The following NBPF26 variants were observed in gnomAD, a reference collection of about 807,000 sequenced individuals.
NBPF26 encodes the protein NBPF family member NBPF26.
Under a neutral mutation model 119.6 loss-of-function variants are expected in NBPF26, and 79 were observed. The observed-to-expected ratio is 0.66, with a 90% CI of 0.55 to 0.80. NBPF26 has a LOEUF of 0.80. Ranked by LOEUF, NBPF26 falls within the 30% of genes least tolerant of loss-of-function variation. The pLI is 0.00. For synonymous variants in NBPF26, 299 were observed against 457.7 expected (o/e 0.65, Z 4.43); for missense variants, 800 against 1,198.2 (o/e 0.67, Z 4.91).
Position 120,745,316 on chromosome 1 carries a change from A to G in NBPF26, c.74-18312A>G, listed in dbSNP as rs1650969614. 3.7e-5 allele frequency among the ~76,000 whole-genome samples: 3 copies of G among 81,966 alleles called. 1 individual carries two copies. The highest frequency in any genetic ancestry group is 6.5e-5 in the Non-Finnish European group (3 of 46,154). The allele number at this position is 81,966 out of a possible 152,430, so 53.8% of individuals were successfully genotyped here. On this transcript the variant is annotated intron_variant, in intron 1 of 29. Coordinates refer to ENST00000620612, the Ensembl canonical transcript of NBPF26. ...AAAAGGGTAGAATAGAGAGTATCAC[A>G]TAGTATGGACAAGCATTGTTTCTTG...
intron 10 of NBPF26, among the ~76,000 whole-genome samples, chr1:120,813,149 T>C (rs1247132701): frequency 5.0e-5 from 6 of 120,100 alleles, no homozygotes; most frequent in Non-Finnish European, 8.2e-5. Flanking sequence ...GTCTTGTCTG[T>C]CCCTCAGTTT....
At chr1:120,812,119 A>T in intron 10 of NBPF26, 24 bp downstream of exon 10, 2 of 1,140,182 alleles carry the variant, frequency 1.8e-6, no homozygotes, top group Non-Finnish European at 1.2e-6. Context: ...GCTCACCATC[A>T]CGAAAGTGAT....
chr1:120,785,330 C>T lies in NBPF26; in HGVS notation c.415+97C>T. 5 of 807,404 alleles carry T rather than the reference C, an allele frequency of 6.2e-6. 1 individual carries two copies. Among genetic ancestry groups the T allele is most frequent in the Non-Finnish European group, 9.6e-6 (5 of 519,372 alleles). 50.0% of individuals were successfully genotyped at this position (807,404 alleles called of 1,614,324 possible). ...TGGTGTCTGGCTCTTAAATGTCCCC[C>T]AGCTCTGGTGCACATTTAACATTAT... On this transcript the variant is annotated intron_variant, in intron 3 of 29. Coordinates refer to ENST00000620612, the Ensembl canonical transcript of NBPF26.
At chr1:120,810,246 C>A (rs1651826060) in intron 8 of NBPF26, 101 bp from the exon 9 acceptor site, 5 of 1,390,458 alleles carry the variant, frequency 3.6e-6, no homozygotes, top group Non-Finnish European at 4.9e-6. Context: ...CTTTCTGGAA[C>A]CACTCTCTTA....
In NBPF26 at chr1:120,840,419, G is replaced by C. The variant is rs1553273458; in HGVS notation, c.4173G>C (p.Ser1391=). 1.5e-5 allele frequency: 22 copies of C among 1,466,938 alleles called. 6 individuals carry two copies. In the Admixed American group the frequency reaches 2.4e-4, roughly 16 times the overall value. 90.9% of individuals were successfully genotyped at this position (1,466,938 alleles called of 1,614,324 possible). ...AGGACTCACTGGATATATGTTATTC[G>C]ACTCCGTCAATGTACTTTGAACTAC... The change falls in exon 30 of 30, where the codon TCG becomes TCC. Residue 1391 remains serine, a synonymous_variant. Coordinates refer to ENST00000620612, the Ensembl canonical transcript of NBPF26.
chr1:120,785,259 C>T, intron 3 of NBPF26, 26 bp downstream of exon 3: 1 of 1,441,536 alleles, frequency 6.9e-7, no homozygotes, highest in East Asian at 2.3e-5. Context: ...AAAGCCAGTG[C>T]TTCCCTACCT....
rs1326862038 is a variant in NBPF26, at chr1:120,795,944, GTGTGTA to G, written c.751+2450_751+2455del. Among the ~76,000 whole-genome samples, 31 of 25,646 alleles carry G rather than the reference GTGTGTA, an allele frequency of 1.2e-3. 3 individuals are homozygous for G. The highest frequency in any genetic ancestry group is 0.01 in the Middle Eastern group (1 of 98). The allele number at this position is 25,646 out of a possible 152,430, so 16.8% of individuals were successfully genotyped here. A position where few individuals can be genotyped will look rare whatever the true frequency, so the allele number is the denominator to read the frequency against. On this transcript the variant is annotated intron_variant, in intron 4 of 29. Transcript: ENST00000620612. ...TATGTGTGTGTGTGTGTGTGTGTGT[GTGTGTA>G]TATGCCGTTGTGCAGATGTTTAAAA...
At chr1:120,817,133 T>A (rs1166887305) in intron 14 of NBPF26, among the ~76,000 whole-genome samples, 1 of 116,402 alleles carries the variant, frequency 8.6e-6, no homozygotes, top group Non-Finnish European at 1.6e-5. Flanking sequence ...TGTGATTAAG[T>A]CATCTGTCCC....
At position 120,745,213 on chromosome 1, in the gene NBPF26, G is replaced by C. The variant is rs1300262604; in HGVS notation, c.74-18415G>C. Among the ~76,000 whole-genome samples, 6 of 111,274 alleles carry C rather than the reference G, an allele frequency of 5.4e-5. 2 individuals are homozygous for C. Among genetic ancestry groups the C allele is most frequent in the Non-Finnish European group, 1.0e-4 (6 of 58,572 alleles). 73.0% of individuals were successfully genotyped at this position (111,274 alleles called of 152,430 possible). A position where few individuals can be genotyped will look rare whatever the true frequency, so the allele number is the denominator to read the frequency against. On this transcript the variant is annotated intron_variant, in intron 1 of 29. Transcript: ENST00000620612. ...TCTTTACTGCACGCTTTAGTCCATG[G>C]TTTTTTAAACTGCAGATCATGACCA...
intron 1 of NBPF26, among the ~76,000 whole-genome samples, chr1:120,729,818 T>C (rs1199900652): frequency 1.8e-5 from 2 of 113,838 alleles, no homozygotes; most frequent in Non-Finnish European, 3.4e-5. Context: ...GCCAGGTGAT[T>C]CTTACATTAG....
rs2101509568 is a variant in NBPF26, at chr1:120,811,782, C to G, written c.1565-104C>G. 7.6e-6 allele frequency: 5 copies of G among 660,160 alleles called. No homozygotes were observed. In the East Asian group the frequency reaches 1.3e-4, roughly 17 times the overall value. 40.9% of individuals were successfully genotyped at this position (660,160 alleles called of 1,614,324 possible). A position where few individuals can be genotyped will look rare whatever the true frequency, so the allele number is the denominator to read the frequency against. ...AAGAGTGAAACCAGGGAAACATCTT[C>G]AAATAAGTAAACAAGGCTACCAGTG... On this transcript the variant is annotated intron_variant, in intron 9 of 29. Transcript: ENST00000620612.
intron 3 of NBPF26, among the ~76,000 whole-genome samples, chr1:120,791,348 G>T (rs1374540620): frequency 9.9e-6 from 1 of 101,458 alleles, no homozygotes; most frequent in South Asian, 2.7e-4. Context: ...ACATGCACAC[G>T]TATGTTTATT....
At chr1:120,759,958 C>G (rs1482832701) in intron 1 of NBPF26, among the ~76,000 whole-genome samples, 1 of 99,198 alleles carries the variant, frequency 1.0e-5, no homozygotes, top group Non-Finnish European at 1.8e-5. Context: ...TTTTTGTACC[C>G]ATTGATCATC....
At chr1:120,792,262 A>AT (rs1438794072) in intron 3 of NBPF26, among the ~76,000 whole-genome samples, 2 of 40,260 alleles carry the variant, frequency 5.0e-5, no homozygotes, top group Non-Finnish European at 8.3e-5. Context: ...TAGTAACTAT[A>AT]TTTTGTGGAA....
Position 120,811,880 on chromosome 1 carries a change from C to T in NBPF26, c.1565-6C>T. 4.7e-6 allele frequency: 4 copies of T among 859,086 alleles called. 1 individual carries two copies. The highest frequency in any genetic ancestry group is 1.4e-5 in the South Asian group (1 of 70,758). The allele number at this position is 859,086 out of a possible 1,614,324, so 53.2% of individuals were successfully genotyped here. A position where few individuals can be genotyped will look rare whatever the true frequency, so the allele number is the denominator to read the frequency against. On this transcript the variant is annotated splice_region_variant and splice_polypyrimidine_tract_variant and intron_variant, in intron 9 of 29. Transcript: ENST00000620612. ...CCCATCATGTGTTTGCCTTTCTTCT[C>T]CCCAGTCCCTGGCCCCACCTCTTCT... is the stretch of plus-strand genomic sequence containing the variant.
At chr1:120,791,394 G>A (rs1651492369) in intron 3 of NBPF26, among the ~76,000 whole-genome samples, 2 of 108,776 alleles carry the variant, frequency 1.8e-5, no homozygotes, top group South Asian at 2.6e-4. Flanking sequence ...GTTGGAACCA[G>A]CCCAAATGTC....
Position 120,840,348 on chromosome 1 carries a change from A to C in NBPF26, c.4104-2A>C. The C allele has an allele frequency of 2.8e-6, 4 of 1,445,854 alleles. 1 individual carries two copies. Among genetic ancestry groups the C allele is most frequent in the Non-Finnish European group, 1.8e-6 (2 of 1,082,750 alleles). 89.6% of individuals were successfully genotyped at this position (1,445,854 alleles called of 1,614,324 possible). A position where few individuals can be genotyped will look rare whatever the true frequency, so the allele number is the denominator to read the frequency against. ...CTTCTTTAGTTTTGTCTCCTTTTGCAGGCTCAACAGCATGCTGATGGAAGT... is the reference window on the plus strand; with the variant it reads ...CTTCTTTAGTTTTGTCTCCTTTTGCCGGCTCAACAGCATGCTGATGGAAGT... On this transcript the variant is annotated splice_acceptor_variant, in intron 29 of 29. Transcript: ENST00000620612. LOFTEE classifies it high-confidence loss of function.
At chr1:120,810,643 G>A (rs1311780629) in intron 9 of NBPF26, 85 bp downstream of exon 9, 3 of 1,321,148 alleles carry the variant, frequency 2.3e-6, no homozygotes. Flanking sequence ...TACACATATT[G>A]TTATTGTTTT....
At position 120,840,413 on chromosome 1, in the gene NBPF26, T is replaced by G. The variant is rs1652489854; in HGVS notation, c.4167T>G (p.Cys1389Trp). The G allele has an allele frequency of 2.7e-6, 4 of 1,465,848 alleles. No homozygotes were observed. The South Asian group carries it at 4.7e-5, about 17-fold the overall frequency. The allele number at this position is 1,465,848 out of a possible 1,614,324, so 90.8% of individuals were successfully genotyped here. ...TCTTGCAGGACTCACTGGATATATG[T>G]TATTCGACTCCGTCAATGTACTTTG... Residue 1389 changes from cysteine (C) to tryptophan (W), a missense_variant, in exon 30 of 30, where the codon TGT becomes TGG. This residue lies in a region of NBPF26 where 155 missense variants were observed against 95.9 expected (regional missense o/e 1.62). Transcript: ENST00000620612.
Sources: allele counts gnomAD v4.1 joint callset (sites outside exome capture counted in the v4.1 genomes callset), GRCh38; gene constraint gnomAD v4.1.1; regional missense constraint gnomAD v4.1.1; transcripts MANE v1.5; gene names NCBI Gene and HGNC (gene_info 2026-07-23, HGNC 2026-07-21).